The following GLIS1 variants were observed in gnomAD, a reference collection of about 807,000 sequenced individuals.
The protein encoded by GLIS1 is GLIS family zinc finger 1.
A neutral mutation model predicts 63.8 loss-of-function variants in GLIS1; 24 were observed. The observed-to-expected ratio is 0.38, with a 90% CI of 0.27 to 0.53. The LOEUF is 0.53. Ranked by LOEUF, GLIS1 falls within the 20% of genes least tolerant of loss-of-function variation. The pLI is 0.85. For missense variants in GLIS1, 1,036 were observed against 1,074.1 expected, an observed-to-expected ratio of 0.96 and a Z score of 0.50; for synonymous variants, 450 against 482.5, an observed-to-expected ratio of 0.93 and a Z score of 0.88.
intron 2 of GLIS1, among the ~76,000 whole-genome samples, chr1:53,704,396 G>A (rs1646554630): frequency 6.6e-6 from 1 of 152,212 alleles, no homozygotes; most frequent in Non-Finnish European, 1.5e-5. Flanking sequence ...CTTACCCAAG[G>A]ACACACAGAA....
rs188575848 is a variant in GLIS1 at position 53,568,537 on chromosome 1, G to A, written c.1320+25571C>T. Among the ~76,000 whole-genome samples, 419 of 152,178 alleles carry A rather than the reference G, an allele frequency of 2.8e-3. 1 individual carries two copies. Among genetic ancestry groups the A allele is most frequent in the African/African-American group, 9.7e-3 (404 of 41,524 alleles). On this transcript the variant is annotated intron_variant, in intron 4 of 10. Coordinates refer to ENST00000628545, the MANE Select transcript of GLIS1 (RefSeq NM_001367484.1). Reference sequence around the variant, plus strand: ...AGGACATGAGATTTGGGAGGTGCAGGGGTGGAATGATATGGTTTGGCTCTG... The same window carrying A: ...AGGACATGAGATTTGGGAGGTGCAGAGGTGGAATGATATGGTTTGGCTCTG...
chr1:53,698,525 C>T (rs1352341599), intron 2 of GLIS1, among the ~76,000 whole-genome samples: 5 of 152,224 alleles, frequency 3.3e-5, no homozygotes, highest in South Asian at 2.1e-4. Flanking sequence ...CTTCCAAGCA[C>T]GCGCCACTGC....
chr1:53,624,146 T>G (rs1256871709), intron 2 of GLIS1, among the ~76,000 whole-genome samples: 2 of 152,218 alleles, frequency 1.3e-5, no homozygotes, highest in African/African-American at 4.8e-5. Flanking sequence ...ATTTCAAGAC[T>G]TTCTACAAAT....
At chr1:53,632,141 G>A (rs114206613) in intron 2 of GLIS1, among the ~76,000 whole-genome samples, 4,564 of 149,974 alleles carry the variant, frequency 0.03, 180 homozygotes, top group African/African-American at 0.088. Context: ...TGACTGAGGG[G>A]TGTGTGACTG....
chr1:53,622,864 G>T (rs1645560215), intron 2 of GLIS1, among the ~76,000 whole-genome samples: 2 of 152,196 alleles, frequency 1.3e-5, no homozygotes, highest in Admixed American at 1.3e-4. Flanking sequence ...TAAAATTTGT[G>T]GGTAATTTGT....
chr1:53,596,300 G>A (rs1645254414), intron 3 of GLIS1, among the ~76,000 whole-genome samples: 1 of 152,236 alleles, frequency 6.6e-6, no homozygotes, highest in Non-Finnish European at 1.5e-5. Context: ...TGCAGAGAGA[G>A]ACGGAAGGGC....
Position 53,539,609 on chromosome 1 carries a change from C to T in GLIS1, c.1321-9657G>A, listed in dbSNP as rs776228998. Among the ~76,000 whole-genome samples, 3 of 151,980 alleles carry T rather than the reference C, an allele frequency of 2.0e-5. No homozygotes were observed. The highest frequency in any genetic ancestry group is 4.4e-5 in the Non-Finnish European group (3 of 67,998). ...TGTTTACACCCCATGACTCATATCA[C>T]AAAAACACACAGGCCAGGACACACA... On this transcript the variant is annotated intron_variant, in intron 4 of 10. Coordinates refer to ENST00000628545, the MANE Select transcript of GLIS1 (RefSeq NM_001367484.1). The surrounding 1 kb of genome is among the most constrained non-coding windows in gnomAD (Gnocchi z 5.0).
chr1:53,688,586 T>A (rs1646367391), intron 2 of GLIS1, among the ~76,000 whole-genome samples: 1 of 152,114 alleles, frequency 6.6e-6, no homozygotes, highest in African/African-American at 2.4e-5. Context: ...AGCACATTCC[T>A]CCTCCCTGGT....
At chr1:53,702,246 G>T (rs1323517007) in intron 2 of GLIS1, among the ~76,000 whole-genome samples, 1 of 152,178 alleles carries the variant, frequency 6.6e-6, no homozygotes, top group Non-Finnish European at 1.5e-5. Context: ...CCCCTCACCA[G>T]GCTGCCTCTC....
In GLIS1 at chr1:53,610,230, T is replaced by C. The variant is rs189173649; in HGVS notation, c.260-9952A>G. Among the ~76,000 whole-genome samples, 11 of 152,346 alleles carry C rather than the reference T, an allele frequency of 7.2e-5. No individual in the cohort carries two copies. The South Asian group carries it at 8.3e-4, about 11-fold the overall frequency. ...GTGTAGTCAATATAGTGTTTATTTA[T>C]ATATTTCTCAAAACCAGTGCCATAG... On this transcript the variant is annotated intron_variant, in intron 2 of 10. Coordinates refer to ENST00000628545, the MANE Select transcript of GLIS1 (RefSeq NM_001367484.1).
intron 10 of GLIS1, 124 bp from the exon 11 acceptor site, chr1:53,506,900 GC>G: frequency 2.0e-6 from 2 of 1,014,358 alleles, no homozygotes; most frequent in Non-Finnish European, 2.8e-6. Context: ...CGTCGGTGGG[GC>G]CTGCTTGGAG....
At chr1:53,658,011 C>G (rs1645985346) in intron 2 of GLIS1, among the ~76,000 whole-genome samples, 1 of 152,160 alleles carries the variant, frequency 6.6e-6, no homozygotes, top group Non-Finnish European at 1.5e-5. Flanking sequence ...TGCTGGTGCT[C>G]AAAGCCCTGT....
At chr1:53,653,286 G>T (rs891647988) in intron 2 of GLIS1, among the ~76,000 whole-genome samples, 5 of 152,214 alleles carry the variant, frequency 3.3e-5, no homozygotes, top group Admixed American at 6.5e-5. Flanking sequence ...ACGAATGAAT[G>T]AAGACAAATC....
intron 2 of GLIS1, among the ~76,000 whole-genome samples, chr1:53,612,055 C>T (rs911016509): frequency 1.3e-5 from 2 of 152,084 alleles, no homozygotes; most frequent in Non-Finnish European, 2.9e-5. Context: ...GGGTCTCAAA[C>T]TACTGGCCTC....
intron 2 of GLIS1, among the ~76,000 whole-genome samples, chr1:53,615,349 C>T (rs1030656227): frequency 2.0e-5 from 3 of 152,210 alleles, no homozygotes; most frequent in African/African-American, 7.2e-5. Context: ...CCTCTCTTCC[C>T]TCCTAGTGCC....
intron 4 of GLIS1, among the ~76,000 whole-genome samples, chr1:53,576,055 C>T (rs1175002843): frequency 2.0e-5 from 3 of 152,044 alleles, no homozygotes; most frequent in Non-Finnish European, 4.4e-5. Flanking sequence ...CTTTCTCTGC[C>T]TCCTCACCTC....
intron 2 of GLIS1, among the ~76,000 whole-genome samples, chr1:53,683,293 C>T (rs1646296238): frequency 6.6e-6 from 1 of 152,194 alleles, no homozygotes; most frequent in South Asian, 2.1e-4. Flanking sequence ...AACGGGCATC[C>T]TCACACCGCG....
intron 8 of GLIS1, among the ~76,000 whole-genome samples, chr1:53,510,841 A>C (rs556433715): frequency 6.6e-6 from 1 of 152,302 alleles, no homozygotes; most frequent in East Asian, 1.9e-4. Flanking sequence ...CTCCACTTGC[A>C]TACCTCCTGT....
intron 4 of GLIS1, among the ~76,000 whole-genome samples, chr1:53,565,204 C>T (rs537635999): frequency 2.0e-5 from 3 of 151,858 alleles, no homozygotes; most frequent in Non-Finnish European, 4.4e-5. Context: ...ACTATAATGC[C>T]AACACTACAC....
Sources: gnomAD v4.1 joint callset for allele counts (sites outside exome capture counted in the v4.1 genomes callset) on GRCh38, gnomAD v4.1.1 for gene constraint, Gnocchi (gnomAD v3.1) non-coding constraint, MANE v1.5 for transcripts, NCBI Gene and HGNC (gene_info 2026-07-23, HGNC 2026-07-21) for gene names.